The following NKX2-2 variants were observed in gnomAD, a reference collection of about 807,000 sequenced individuals.
NKX2-2 encodes the protein homeobox protein Nkx-2.2.
NKX2-2 carries 8 observed loss-of-function variants against 24.6 expected under a neutral mutation model. That is an observed-to-expected ratio of 0.32 (90% CI 0.19 to 0.59). The LOEUF (loss-of-function observed/expected upper bound fraction) is 0.59. NKX2-2 is among the 20% of genes least tolerant of loss of function. NKX2-2 has a pLI of 0.86. For missense variants in NKX2-2, 381 were observed against 373.9 expected, an observed-to-expected ratio of 1.02 and a Z score of -0.16; for synonymous variants, 217 against 173.3, an observed-to-expected ratio of 1.25 and a Z score of -1.98.
chr20:21,513,228 A>G lies in NKX2-2; in HGVS notation c.259+183T>C, dbSNP rs1481191195. On this transcript the variant is annotated intron_variant, in intron 1 of 1. Transcript: ENST00000377142. The surrounding 1 kb of genome is among the most constrained non-coding windows in gnomAD (Gnocchi z 4.6). Reference sequence around the variant, plus strand: ...GGAGACCAAGTTCTTTCCCGGAACTAAGGAGGCTTGAAGAGGAGGGCAGAG... The same window carrying G: ...GGAGACCAAGTTCTTTCCCGGAACTGAGGAGGCTTGAAGAGGAGGGCAGAG... 1.3e-5 allele frequency among the ~76,000 whole-genome samples: 2 copies of G among 152,218 alleles called. No homozygotes were observed. Among genetic ancestry groups the G allele is most frequent in the East Asian group, 1.9e-4 (1 of 5,182 alleles).
rs750063146 is a variant in NKX2-2 at position 21,512,208 on chromosome 20, G to A, written c.537C>T (p.His179=). Residue 179 remains histidine, a synonymous_variant, in exon 2 of 2, where the codon CAC becomes CAT. Coordinates refer to ENST00000377142, the MANE Select transcript of NKX2-2 (RefSeq NM_002509.4). ...CCCGGGCGCGCTTCATCTTGTAGCG[G>A]TGGTTCTGGAACCAGATCTTGACCT... ...PTQVKIWFQN[H]RYKMKRARAE... 1.2e-6 allele frequency: 2 copies of A among 1,614,034 alleles called. No individual in the cohort carries two copies. Among genetic ancestry groups the A allele is most frequent in the South Asian group, 2.2e-5 (2 of 91,090 alleles).
chr20:21,517,218 C>G (rs1200973689), upstream of NKX2-2, among the ~76,000 whole-genome samples: 2 of 152,210 alleles, frequency 1.3e-5, no homozygotes, highest in African/African-American at 4.8e-5. Context: ...GTCCTCTTGT[C>G]GGAGCACCTG....
the NKX2-2 span, among the ~76,000 whole-genome samples, chr20:21,520,029 T>C: frequency 1.3e-5 from 2 of 152,184 alleles, no homozygotes; most frequent in South Asian, 2.1e-4. Flanking sequence ...TTGGTCCATA[T>C]TATATTAACT....
At chr20:21,514,156 G>C (rs1980549487), upstream of NKX2-2, 1 of 139,532 alleles carries the variant, frequency 7.2e-6, no homozygotes, top group Non-Finnish European at 1.5e-5. Flanking sequence ...GGGAGGGAGG[G>C]AAAGAAAGAG....
chr20:21,521,481 T>G, the NKX2-2 span, among the ~76,000 whole-genome samples: 1 of 152,032 alleles, frequency 6.6e-6, no homozygotes. Flanking sequence ...TCCAGAGACC[T>G]CAGTCCACTG....
chr20:21,515,829 C>G (rs868328374), upstream of NKX2-2, among the ~76,000 whole-genome samples: 1 of 152,268 alleles, frequency 6.6e-6, no homozygotes, highest in South Asian at 2.1e-4. Context: ...CCAGCTGCCC[C>G]CGGGTTGCCA....
At chr20:21,520,364 C>G in the NKX2-2 span, among the ~76,000 whole-genome samples, 1 of 152,170 alleles carries the variant, frequency 6.6e-6, no homozygotes, top group Non-Finnish European at 1.5e-5. Context: ...ATCTGCCTCC[C>G]TCCCACCACA....
In NKX2-2 at chr20:21,511,086, C is replaced by T. The variant is rs572100685; in HGVS notation, c.*837G>A. On this transcript the variant is annotated 3_prime_UTR_variant, in exon 2 of 2. Transcript: ENST00000377142. ...TAAAAAATCGAAAGCTTTCTGCGCCCGGCGCTGTTGGGGAACCGCGCCGAA... is the reference window on the plus strand; with the variant it reads ...TAAAAAATCGAAAGCTTTCTGCGCCTGGCGCTGTTGGGGAACCGCGCCGAA... 1 of 152,642 alleles carries T rather than the reference C, an allele frequency of 6.6e-6. No individual in the cohort carries two copies. The highest frequency in any genetic ancestry group is 2.4e-5 in the African/African-American group (1 of 41,466). 9.5% of individuals were successfully genotyped at this position (152,642 alleles called of 1,614,324 possible).
chr20:21,515,253 C>T (rs969750558), upstream of NKX2-2, among the ~76,000 whole-genome samples: 1 of 76,464 alleles, frequency 1.3e-5, no homozygotes, highest in African/African-American at 5.0e-5. Context: ...GGGAAGGCGG[C>T]GGGGCGGGAT....
chr20:21,513,858 G>A lies in NKX2-2; in HGVS notation c.-189C>T. The A allele has an allele frequency of 2.1e-6, 1 of 471,560 alleles. No individual in the cohort carries two copies. The highest frequency in any genetic ancestry group is 3.7e-5 in the East Asian group (1 of 27,320). 29.2% of individuals were successfully genotyped at this position (471,560 alleles called of 1,614,324 possible). On this transcript the variant is annotated 5_prime_UTR_variant, in exon 1 of 2. Transcript: ENST00000377142. The surrounding 1 kb of genome is among the most constrained non-coding windows in gnomAD (Gnocchi z 4.6). ...AAGAGAAAGAAACTGGGGATGGGGAGGAAAAAAATGAAGCCCAACCCAGTG... is the reference window on the plus strand; with the variant it reads ...AAGAGAAAGAAACTGGGGATGGGGAAGAAAAAAATGAAGCCCAACCCAGTG...
upstream of NKX2-2, among the ~76,000 whole-genome samples, chr20:21,518,009 C>A (rs1454567536): frequency 6.6e-6 from 1 of 152,220 alleles, no homozygotes; most frequent in East Asian, 1.9e-4. Flanking sequence ...TAAATTCTTT[C>A]CAGGTACCGT....
chr20:21,515,446 C>A (rs1199906588), upstream of NKX2-2, among the ~76,000 whole-genome samples: 1 of 152,172 alleles, frequency 6.6e-6, no homozygotes, highest in African/African-American at 2.4e-5. Context: ...ACGCGCTCCA[C>A]GTTTCCAGGT....
At chr20:21,519,612 C>G in the NKX2-2 span, among the ~76,000 whole-genome samples, 2 of 152,200 alleles carry the variant, frequency 1.3e-5, no homozygotes, top group Non-Finnish European at 2.9e-5. Context: ...ACTTCCAATG[C>G]GGGAGCAGGG....
chr20:21,513,453 A>T lies in NKX2-2; in HGVS notation c.217T>A (p.Tyr73Asn), dbSNP rs765363261. 1.2e-6 allele frequency: 2 copies of T among 1,601,610 alleles called. No homozygotes were observed. Among genetic ancestry groups the T allele is most frequent in the South Asian group, 2.3e-5 (2 of 88,734 alleles). The change falls in exon 1 of 2, where the codon TAC (tyrosine) becomes AAC (asparagine). Residue 73 changes from tyrosine (Y) to asparagine (N), a missense_variant. By Grantham distance (143) the Tyr-to-Asn change is moderately radical. Around this residue, in one of 3 missense-constraint regions of NKX2-2, gnomAD observed 206 missense variants for 173.1 expected, o/e 1.19. Coordinates refer to ENST00000377142, the MANE Select transcript of NKX2-2 (RefSeq NM_002509.4). This position sits in a 1 kb window ranked among gnomAD's most constrained non-coding sequence, Gnocchi z 4.6. Reference protein sequence around the residue: ...NPFYDSSDNPYTRWLASTEGL... With the variant: ...NPFYDSSDNPNTRWLASTEGL... ...TCGGTGCTGGCCAGCCAGCGCGTGT[A>T]CGGGTTGTCGCTGCTGTCGTAGAAG...
At chr20:21,520,183 C>T in the NKX2-2 span, among the ~76,000 whole-genome samples, 1 of 152,102 alleles carries the variant, frequency 6.6e-6, no homozygotes, top group African/African-American at 2.4e-5. Context: ...AATCCCCACC[C>T]CGTTCCTACA....
chr20:21,515,206 C>CCCTCCCTCTCCAGCCT (rs1458502330), upstream of NKX2-2, among the ~76,000 whole-genome samples: 3 of 152,028 alleles, frequency 2.0e-5, no homozygotes, highest in African/African-American at 7.2e-5. Context: ...CTCTCCGGCC[C>CCCTCCCTCTCCAGCCT]CCTCCCTCTC....
the NKX2-2 span, among the ~76,000 whole-genome samples, chr20:21,522,179 T>C: frequency 1.2e-4 from 19 of 152,308 alleles, no homozygotes; most frequent in African/African-American, 4.3e-4. Context: ...ATCCGCAAAG[T>C]CGGGGAGAAC....
chr20:21,515,258 C>A (rs1034678660), upstream of NKX2-2, among the ~76,000 whole-genome samples: 2 of 74,808 alleles, frequency 2.7e-5, no homozygotes, highest in African/African-American at 1.0e-4. Context: ...GGCGGCGGGG[C>A]GGGATTGCGG....
upstream of NKX2-2, among the ~76,000 whole-genome samples, chr20:21,514,862 G>A (rs1477864187): frequency 6.6e-6 from 1 of 152,204 alleles, no homozygotes; most frequent in South Asian, 2.1e-4. Context: ...ACCCAGGAGA[G>A]AGCTCCGCTC....
Sources: gnomAD v4.1 joint callset for allele counts (sites outside exome capture counted in the v4.1 genomes callset) on GRCh38, gnomAD v4.1.1 for gene constraint, gnomAD v4.1.1 regional missense constraint, Gnocchi (gnomAD v3.1) non-coding constraint, MANE v1.5 for transcripts, NCBI Gene and HGNC (gene_info 2026-07-23, HGNC 2026-07-21) for gene names.